FSTL5: variants seen among roughly 807,000 people sequenced by gnomAD.
The protein encoded by FSTL5 is follistatin like 5.
A neutral mutation model predicts 89.1 loss-of-function variants in FSTL5; 62 were observed. The observed-to-expected ratio is 0.70, with a 90% confidence interval of 0.57 to 0.86. FSTL5 has a LOEUF of 0.86. Ranked by LOEUF, FSTL5 falls within the 40% of genes least tolerant of loss-of-function variation. FSTL5 has a pLI of 0.00. For synonymous variants in FSTL5, 383 were observed against 346.2 expected, an observed-to-expected ratio of 1.11 and a Z score of -1.18; for missense variants, 1,057 against 1,001.6, an observed-to-expected ratio of 1.06 and a Z score of -0.75.
At chr4:162,121,794 C>A (rs1731874088) in intron 1 of FSTL5, among the ~76,000 whole-genome samples, 1 of 152,018 alleles carries the variant, frequency 6.6e-6, no homozygotes, top group African/African-American at 2.4e-5. Context: ...TTTTCTTCTA[C>A]CTCTGCTATC....
At chr4:161,725,247 C>T (rs1369908938) in intron 6 of FSTL5, among the ~76,000 whole-genome samples, 2 of 151,960 alleles carry the variant, frequency 1.3e-5, no homozygotes, top group East Asian at 1.9e-4. Context: ...GGTGCCTCCA[C>T]GAAGGTGAAT....
chr4:161,808,638 C>CAAA (rs1730045477), intron 4 of FSTL5, among the ~76,000 whole-genome samples: 2 of 151,174 alleles, frequency 1.3e-5, no homozygotes, highest in African/African-American at 4.9e-5. Context: ...AAAAAAAAAC[C>CAAA]CAGATAAAAT....
intron 6 of FSTL5, among the ~76,000 whole-genome samples, chr4:161,729,635 T>C (rs1191922890): frequency 6.6e-6 from 1 of 152,200 alleles, no homozygotes; most frequent in African/African-American, 2.4e-5. Context: ...AAAACGATAC[T>C]GAATTATGAA....
intron 7 of FSTL5, among the ~76,000 whole-genome samples, chr4:161,649,607 A>G (rs949777930): frequency 1.3e-5 from 2 of 152,208 alleles, no homozygotes; most frequent in African/African-American, 4.8e-5. Flanking sequence ...TAAATAGAAC[A>G]TTTTATACTC....
chr4:161,793,321 C>G (rs1391073852), intron 4 of FSTL5, among the ~76,000 whole-genome samples: 1 of 152,172 alleles, frequency 6.6e-6, no homozygotes. Flanking sequence ...GCCTAGCAGG[C>G]CCGAGCAAAC....
intron 7 of FSTL5, among the ~76,000 whole-genome samples, chr4:161,601,057 A>T (rs1321619083): frequency 1.3e-5 from 2 of 152,158 alleles, no homozygotes; most frequent in African/African-American, 4.8e-5. Context: ...TCTAATTTTT[A>T]AAAAATAGCT....
intron 3 of FSTL5, among the ~76,000 whole-genome samples, chr4:162,026,860 C>T (rs1312815394): frequency 6.6e-6 from 1 of 152,150 alleles, no homozygotes; most frequent in Non-Finnish European, 1.5e-5. Flanking sequence ...TTTCCCCCAA[C>T]ATCGCTAATG....
chr4:161,853,008 GGAAA>G (rs1228545484), intron 4 of FSTL5, among the ~76,000 whole-genome samples: 1 of 152,126 alleles, frequency 6.6e-6, no homozygotes, highest in East Asian at 1.9e-4. Context: ...AAAGTTGAAG[GGAAA>G]GAAAGAATTT....
chr4:161,516,615 T>C (rs1267793654), intron 10 of FSTL5, among the ~76,000 whole-genome samples: 1 of 85,756 alleles, frequency 1.2e-5, no homozygotes, highest in African/African-American at 4.2e-5. Context: ...TATAATAAAT[T>C]ATATATTTTA....
At position 162,112,072 on chromosome 4, in the gene FSTL5, T is replaced by A. The variant is rs543852252; in HGVS notation, c.-16-660A>T. 1.8e-4 allele frequency among the ~76,000 whole-genome samples: 27 copies of A among 152,340 alleles called. No homozygotes were observed. In the South Asian group the frequency reaches 5.4e-3, roughly 30 times the overall value. On this transcript the variant is annotated intron_variant, in intron 1 of 15. Coordinates refer to ENST00000306100, the MANE Select transcript of FSTL5 (RefSeq NM_020116.5). ...GATATAAATAAGTTGTAAAATGGCA[T>A]AAACTCATTATTGTATAAATACTAA...
At chr4:161,924,863 G>T (rs1019847422) in intron 3 of FSTL5, among the ~76,000 whole-genome samples, 1 of 151,798 alleles carries the variant, frequency 6.6e-6, no homozygotes, top group African/African-American at 2.4e-5. Context: ...TATTTAAAGC[G>T]TCAAGTTATT....
chr4:161,402,534 T>C (rs1044915592), intron 15 of FSTL5, among the ~76,000 whole-genome samples: 5 of 152,204 alleles, frequency 3.3e-5, no homozygotes, highest in Admixed American at 3.3e-4. Flanking sequence ...TTTGTTTCTG[T>C]AAGGAAATTA....
intron 4 of FSTL5, among the ~76,000 whole-genome samples, chr4:161,916,489 C>T (rs1733843111): frequency 6.6e-6 from 1 of 152,054 alleles, no homozygotes; most frequent in Non-Finnish European, 1.5e-5. Flanking sequence ...ACTGTCTCAT[C>T]ACAAAAATGA....
intron 12 of FSTL5, among the ~76,000 whole-genome samples, chr4:161,486,198 A>G (rs1289674612): frequency 6.6e-6 from 1 of 151,858 alleles, no homozygotes; most frequent in Non-Finnish European, 1.5e-5. Flanking sequence ...AATTTGGATT[A>G]CAATGCATTC....
chr4:161,715,221 A>G (rs991978255), intron 6 of FSTL5, among the ~76,000 whole-genome samples: 5 of 152,180 alleles, frequency 3.3e-5, no homozygotes, highest in Non-Finnish European at 7.4e-5. Flanking sequence ...TTGAACATAG[A>G]AACCAAAGTG....
At chr4:161,478,720 A>C (rs1560914978) in intron 13 of FSTL5, among the ~76,000 whole-genome samples, 1 of 152,124 alleles carries the variant, frequency 6.6e-6, no homozygotes, top group East Asian at 1.9e-4. Flanking sequence ...TATATTTACT[A>C]ATAAAAAAGT....
chr4:161,907,210 T>C (rs1202114451), intron 4 of FSTL5, among the ~76,000 whole-genome samples: 1 of 152,108 alleles, frequency 6.6e-6, no homozygotes, highest in Non-Finnish European at 1.5e-5. Flanking sequence ...ATAGTTATTA[T>C]TCGGAATATG....
intron 15 of FSTL5, among the ~76,000 whole-genome samples, chr4:161,437,319 C>G (rs1324619859): frequency 6.6e-6 from 1 of 152,008 alleles, no homozygotes; most frequent in Non-Finnish European, 1.5e-5. Context: ...GTAATCCCAG[C>G]ACTTTGGGAG....
At chr4:161,609,019 TA>T in intron 7 of FSTL5, among the ~76,000 whole-genome samples, 1 of 152,144 alleles carries the variant, frequency 6.6e-6, no homozygotes, top group African/African-American at 2.4e-5. Context: ...TATTAACCTA[TA>T]ATTTTATTCT....
Sources: allele counts gnomAD v4.1 joint callset (sites outside exome capture counted in the v4.1 genomes callset), GRCh38; gene constraint gnomAD v4.1.1; transcripts MANE v1.5; gene names NCBI Gene and HGNC (gene_info 2026-07-23, HGNC 2026-07-21).